The following PMEPA1 variants were observed in gnomAD, a reference collection of about 807,000 sequenced individuals.
PMEPA1 encodes the protein prostate transmembrane protein, androgen induced 1, also known as protein TMEPAI.
A neutral mutation model predicts 23.0 loss-of-function variants in PMEPA1; 11 were observed. The observed-to-expected ratio is 0.48, with a 90% CI of 0.30 to 0.79. The LOEUF is 0.79. Ranked by LOEUF, PMEPA1 falls within the 30% of genes least tolerant of loss-of-function variation. The pLI, the probability that PMEPA1 is intolerant of heterozygous loss-of-function variation, is 0.06. For missense variants in PMEPA1, 377 were observed against 390.9 expected (o/e 0.96, Z 0.30); for synonymous variants, 204 against 166.4 (o/e 1.23, Z -1.74).
In PMEPA1 at chr20:57,659,713, G is replaced by A. The variant is rs1423197937; in HGVS notation, c.110-16C>T. The A allele has an allele frequency of 1.9e-6, 3 of 1,558,520 alleles. No individual in the cohort carries two copies. Among genetic ancestry groups the A allele is most frequent in the South Asian group, 1.2e-5 (1 of 84,642 alleles). The stretch of plus-strand genomic sequence containing the variant: ...TCCAGCTCCGCTGTGGAGACAAAGA[G>A]GGACACGTGAGACCCTGGACACCTG... On this transcript the variant is annotated splice_polypyrimidine_tract_variant and intron_variant, in intron 1 of 3. Transcript: ENST00000341744.
In PMEPA1 at chr20:57,704,184, A is replaced by T. The variant is rs2072046979; in HGVS notation, c.109+5290T>A. ...TAACCATTCGGCTGCCCTGGAACGGAAAGATCTGGCCACTCAGGGCCCATG... is the reference window on the plus strand; with the variant it reads ...TAACCATTCGGCTGCCCTGGAACGGTAAGATCTGGCCACTCAGGGCCCATG... On this transcript the variant is annotated intron_variant, in intron 1 of 3. Transcript: ENST00000341744. This position sits in a 1 kb window ranked among gnomAD's most constrained non-coding sequence, Gnocchi z 4.6. Among the ~76,000 whole-genome samples the T allele has an allele frequency of 6.6e-6, 1 of 152,190 alleles. No homozygotes were observed. Among genetic ancestry groups the T allele is most frequent in the South Asian group, 2.1e-4 (1 of 4,834 alleles).
intron 1 of PMEPA1, among the ~76,000 whole-genome samples, chr20:57,661,587 G>C (rs1295053206): frequency 6.6e-6 from 1 of 152,174 alleles, no homozygotes; most frequent in African/African-American, 2.4e-5. Context: ...TCCCAGGACC[G>C]AGGAACCAAA....
intron 1 of PMEPA1, among the ~76,000 whole-genome samples, chr20:57,668,652 A>G (rs921490633): frequency 2.6e-5 from 4 of 152,190 alleles, no homozygotes; most frequent in African/African-American, 7.2e-5. Context: ...CAAACTCTGG[A>G]TATTTTCAGG....
intron 1 of PMEPA1, among the ~76,000 whole-genome samples, chr20:57,706,620 C>T (rs1430871310): frequency 6.6e-6 from 1 of 152,148 alleles, no homozygotes; most frequent in Non-Finnish European, 1.5e-5. Flanking sequence ...ACGTGGCTCC[C>T]GGCGTACAAA....
chr20:57,680,863 G>A (rs773334039), intron 1 of PMEPA1, among the ~76,000 whole-genome samples: 3 of 152,232 alleles, frequency 2.0e-5, no homozygotes, highest in Non-Finnish European at 2.9e-5. Context: ...GAGGCACTTC[G>A]TAAATGCTTG....
intron 2 of PMEPA1, among the ~76,000 whole-genome samples, chr20:57,657,159 C>A (rs527908846): frequency 6.6e-6 from 1 of 152,182 alleles, no homozygotes; most frequent in Non-Finnish European, 1.5e-5. Flanking sequence ...CCTCTGGGTA[C>A]GGTACACTCT....
chr20:57,691,679 G>C (rs1001680322), intron 1 of PMEPA1: 1 of 152,192 alleles, frequency 6.6e-6, no homozygotes, highest in African/African-American at 2.4e-5. Flanking sequence ...ATAGGACAGG[G>C]GAGGCAGGAC....
At chr20:57,707,634 T>C (rs1195721063) in intron 1 of PMEPA1, among the ~76,000 whole-genome samples, 1 of 147,570 alleles carries the variant, frequency 6.8e-6, no homozygotes, top group Admixed American at 6.8e-5. Flanking sequence ...AGGACAGAAA[T>C]AAGAACAATG....
intron 1 of PMEPA1, among the ~76,000 whole-genome samples, chr20:57,702,228 C>T (rs1369569669): frequency 6.6e-6 from 1 of 152,190 alleles, no homozygotes; most frequent in African/African-American, 2.4e-5. Flanking sequence ...GTGCTGAACG[C>T]TGAGCCCCTG....
rs1381711389 is a variant in PMEPA1 at position 57,650,692 on chromosome 20, T to C, written c.*1361A>G. On this transcript the variant is annotated 3_prime_UTR_variant, in exon 4 of 4. Transcript: ENST00000341744. Reference sequence around the variant, plus strand: ...GCCCGAAGCTCGGGTTGGTGTTTGCTCAACTGCTTTACTCATTTTAACCCT... The same window carrying C: ...GCCCGAAGCTCGGGTTGGTGTTTGCCCAACTGCTTTACTCATTTTAACCCT... The C allele has an allele frequency of 1.3e-5, 2 of 152,266 alleles. No homozygotes were observed. Among genetic ancestry groups the C allele is most frequent in the Non-Finnish European group, 2.9e-5 (2 of 68,064 alleles). The allele number at this position is 152,266 out of a possible 1,614,324, so 9.4% of individuals were successfully genotyped here. A position where few individuals can be genotyped will look rare whatever the true frequency, so the allele number is the denominator to read the frequency against.
chr20:57,658,257 T>C (rs1010486029), intron 2 of PMEPA1, among the ~76,000 whole-genome samples: 2 of 152,202 alleles, frequency 1.3e-5, no homozygotes, highest in Non-Finnish European at 2.9e-5. Flanking sequence ...CACCCAGGAC[T>C]GTAATGGAGA....
chr20:57,654,930 T>C (rs1402902104), intron 2 of PMEPA1, among the ~76,000 whole-genome samples: 1 of 151,574 alleles, frequency 6.6e-6, no homozygotes, highest in African/African-American at 2.4e-5. Context: ...AGTGGGAACA[T>C]CTCCCTCATG....
rs539416194 is a variant in PMEPA1 at position 57,684,614 on chromosome 20, T to C, written c.109+24860A>G. On this transcript the variant is annotated intron_variant, in intron 1 of 3. Coordinates refer to ENST00000341744, the MANE Select transcript of PMEPA1 (RefSeq NM_020182.5). ...GGGCCCGGGAGACCCTCCACCCCCA[T>C]AGCTTGCCAGTTTTTCACTGCGGTA... 1.7e-4 allele frequency among the ~76,000 whole-genome samples: 26 copies of C among 152,314 alleles called. No individual in the cohort carries two copies. The East Asian group carries it at 4.4e-3, about 26-fold the overall frequency.
chr20:57,682,224 C>T lies in PMEPA1; in HGVS notation c.110-22527G>A, dbSNP rs563242943. Among the ~76,000 whole-genome samples the T allele has an allele frequency of 1.4e-3, 215 of 152,296 alleles. No homozygotes were observed. The highest frequency in any genetic ancestry group is 2.5e-3 in the Non-Finnish European group (173 of 68,030). ...ACACACAGACAGACACAGCTACCTT[C>T]GATGGGAGGTGACGGCGTAGCAAAG... On this transcript the variant is annotated intron_variant, in intron 1 of 3. Transcript: ENST00000341744. This position sits in a 1 kb window ranked among gnomAD's most constrained non-coding sequence, Gnocchi z 4.4.
chr20:57,653,159 C>A (rs1033001641), intron 2 of PMEPA1, 73 bp from the exon 3 acceptor site: 3 of 1,251,136 alleles, frequency 2.4e-6, no homozygotes, highest in Admixed American at 2.0e-5. Flanking sequence ...AACCCAGATT[C>A]GACTCTTAGG....
At chr20:57,678,273 G>A (rs1049617024) in intron 1 of PMEPA1, among the ~76,000 whole-genome samples, 2 of 152,222 alleles carry the variant, frequency 1.3e-5, no homozygotes, top group African/African-American at 2.4e-5. Context: ...TATGTAAGAC[G>A]GTACCATTGG....
intron 1 of PMEPA1, among the ~76,000 whole-genome samples, chr20:57,695,016 C>G (rs2071927660): frequency 6.6e-6 from 1 of 152,242 alleles, no homozygotes; most frequent in South Asian, 2.1e-4. Context: ...CCATCTCACT[C>G]CAATGAGGCC....
chr20:57,658,886 T>G (rs1387404755), intron 2 of PMEPA1, among the ~76,000 whole-genome samples: 1 of 152,118 alleles, frequency 6.6e-6, no homozygotes, highest in Non-Finnish European at 1.5e-5. Context: ...ACTACCCCGG[T>G]GGGTAAGAGC....
At chr20:57,687,363 C>T (rs2071815086) in intron 1 of PMEPA1, among the ~76,000 whole-genome samples, 1 of 152,190 alleles carries the variant, frequency 6.6e-6, no homozygotes. Flanking sequence ...AACAGAGGGA[C>T]CCCAAGGCCA....
Sources: allele counts gnomAD v4.1 joint callset (sites outside exome capture counted in the v4.1 genomes callset), GRCh38; gene constraint gnomAD v4.1.1; non-coding constraint Gnocchi (gnomAD v3.1); transcripts MANE v1.5; gene names NCBI Gene and HGNC (gene_info 2026-07-23, HGNC 2026-07-21).